CNOT2: variants seen among roughly 807,000 people sequenced by gnomAD.
The protein encoded by CNOT2 is CC chemokine receptor 4-negative regulator of transcription 2.
A neutral mutation model predicts 72.1 loss-of-function variants in CNOT2; 7 were observed. That is an observed-to-expected ratio of 0.10 (90% CI 0.06 to 0.18). CNOT2 has a LOEUF of 0.18. Ranked by LOEUF, CNOT2 falls within the 10% of genes least tolerant of loss-of-function variation. The pLI is 1.00. For synonymous variants in CNOT2, 196 were observed against 225.6 expected, an observed-to-expected ratio of 0.87 and a Z score of 1.17; for missense variants, 345 against 660.3, an observed-to-expected ratio of 0.52 and a Z score of 5.23.
In CNOT2 at chr12:70,253,044, G is replaced by T. The variant is rs140451874; in HGVS notation, c.-96+9564G>T. 4.3e-4 allele frequency among the ~76,000 whole-genome samples: 65 copies of T among 152,290 alleles called. 1 individual carries two copies. The highest frequency in any genetic ancestry group is 8.3e-4 in the South Asian group (4 of 4,832). On this transcript the variant is annotated intron_variant, in intron 1 of 15. Transcript: ENST00000229195. ...ACATGTTTTTCCTACCAGGAATTTT[G>T]TTTAGATGACCTTCTGTGAAGTAAG...
At chr12:70,313,489 A>G (rs527631172) in intron 3 of CNOT2, among the ~76,000 whole-genome samples, 1 of 152,172 alleles carries the variant, frequency 6.6e-6, no homozygotes, top group East Asian at 1.9e-4. Flanking sequence ...TTCTTCACAT[A>G]TAATTTATGT....
intron 11 of CNOT2, among the ~76,000 whole-genome samples, 192 bp downstream of exon 11, chr12:70,339,014 A>ATGTGTGTGTGTG (rs143055295): frequency 4.7e-4 from 61 of 131,046 alleles, no homozygotes; most frequent in African/African-American, 1.7e-3. Context: ...TTGGCATTTT[A>ATGTGTGTGTGTG]TGTGTGTGTG....
intron 2 of CNOT2, among the ~76,000 whole-genome samples, chr12:70,281,194 C>T (rs76075505): frequency 0.14 from 21,835 of 151,556 alleles, 1,908 homozygotes; most frequent in Admixed American, 0.28. Flanking sequence ...AAGCGATTCT[C>T]CTGCCTCAGT....
At chr12:70,246,907 G>A (rs1957900139) in intron 1 of CNOT2, among the ~76,000 whole-genome samples, 1 of 152,144 alleles carries the variant, frequency 6.6e-6, no homozygotes, top group Admixed American at 6.5e-5. Context: ...GTTGGTATCT[G>A]TTGGTATATC....
intron 1 of CNOT2, among the ~76,000 whole-genome samples, chr12:70,258,960 A>T (rs1221415509): frequency 6.6e-6 from 1 of 152,350 alleles, no homozygotes; most frequent in South Asian, 2.1e-4. Flanking sequence ...ATGGGTACAG[A>T]AAAGGGCAAA....
chr12:70,329,759 C>T, intron 5 of CNOT2, 189 bp downstream of exon 5: 3 of 540,294 alleles, frequency 5.6e-6, no homozygotes, highest in Non-Finnish European at 9.9e-6. Flanking sequence ...TTTTATACTG[C>T]AGCTCGCATA....
At chr12:70,285,747 C>A (rs1166067911) in intron 2 of CNOT2, among the ~76,000 whole-genome samples, 1 of 152,076 alleles carries the variant, frequency 6.6e-6, no homozygotes, top group Non-Finnish European at 1.5e-5. Flanking sequence ...AAAAGACCTA[C>A]AGTTTTCAGT....
chr12:70,288,834 A>G (rs193277928), intron 2 of CNOT2, among the ~76,000 whole-genome samples: 1 of 152,128 alleles, frequency 6.6e-6, no homozygotes, highest in East Asian at 1.9e-4. Flanking sequence ...TAAGGGAAAC[A>G]TTTTCTGCTT....
chr12:70,314,190 G>A (rs1876938822), intron 3 of CNOT2, among the ~76,000 whole-genome samples: 1 of 151,994 alleles, frequency 6.6e-6, no homozygotes, highest in Non-Finnish European at 1.5e-5. Context: ...AATACTTTGT[G>A]TAGTTATTTT....
intron 3 of CNOT2, among the ~76,000 whole-genome samples, chr12:70,318,439 A>C (rs1333776943): frequency 1.3e-5 from 2 of 151,620 alleles, no homozygotes; most frequent in Non-Finnish European, 2.9e-5. Flanking sequence ...ATTTTTTTGA[A>C]TTTCAATAGT....
intron 1 of CNOT2, among the ~76,000 whole-genome samples, chr12:70,267,074 TA>T (rs1959086325): frequency 6.6e-6 from 1 of 152,192 alleles, no homozygotes; most frequent in African/African-American, 2.4e-5. Context: ...ATTCTTTGTG[TA>T]TTTTTTTTTA....
intron 1 of CNOT2, among the ~76,000 whole-genome samples, chr12:70,273,323 T>A (rs1444993343): frequency 6.6e-6 from 1 of 152,118 alleles, no homozygotes; most frequent in Non-Finnish European, 1.5e-5. Context: ...CTTTTTTTTT[T>A]AGTCAACAGC....
At chr12:70,338,977 G>A (rs1372465940) in intron 11 of CNOT2, among the ~76,000 whole-genome samples, 155 bp downstream of exon 11, 1 of 150,464 alleles carries the variant, frequency 6.6e-6, no homozygotes, top group Non-Finnish European at 1.5e-5. Context: ...TTAGATCACT[G>A]TCACTCTGCA....
Position 70,354,183 on chromosome 12 carries a change from C to A in CNOT2, c.*268C>A. 1 of 473,922 alleles carries A rather than the reference C, an allele frequency of 2.1e-6. No individual in the cohort carries two copies. The highest frequency in any genetic ancestry group is 3.4e-6 in the Non-Finnish European group (1 of 296,492). 29.4% of individuals were successfully genotyped at this position (473,922 alleles called of 1,614,324 possible). A position where few individuals can be genotyped will look rare whatever the true frequency, so the allele number is the denominator to read the frequency against. On this transcript the variant is annotated 3_prime_UTR_variant, in exon 16 of 16. Coordinates refer to ENST00000229195, the MANE Select transcript of CNOT2 (RefSeq NM_014515.7). ...ATTTATTTCCTTTTTTGCCAGCAGA[C>A]AGACTTGAGTCTGTAAAGACAAGCA...
In CNOT2 at chr12:70,346,841, GTTGA is replaced by G. The variant is rs1882234093; in HGVS notation, c.1536+520_1536+523del. On this transcript the variant is annotated intron_variant, in intron 15 of 15. Coordinates refer to ENST00000229195, the MANE Select transcript of CNOT2 (RefSeq NM_014515.7). ...GGGGAGAAATCGGCTATGGAGAAAT[GTTGA>G]TTATTTTATTTTGGTTTTGCAACTT... 1.3e-5 allele frequency among the ~76,000 whole-genome samples: 2 copies of G among 152,238 alleles called. 1 individual carries two copies. The highest frequency in any genetic ancestry group is 4.1e-4 in the South Asian group (2 of 4,828).
chr12:70,306,852 G>A (rs970983464), intron 2 of CNOT2, among the ~76,000 whole-genome samples: 2 of 152,140 alleles, frequency 1.3e-5, no homozygotes, highest in Non-Finnish European at 2.9e-5. Flanking sequence ...TGTGAATGTG[G>A]ACCATACTTA....
At position 70,278,168 on chromosome 12, in the gene CNOT2, C is replaced by A. The variant is rs1869181439; in HGVS notation, c.-59C>A. The A allele has an allele frequency of 2.4e-5, 32 of 1,337,868 alleles. No individual in the cohort carries two copies. The highest frequency in any genetic ancestry group is 3.4e-5 in the Non-Finnish European group (32 of 934,518). The allele number at this position is 1,337,868 out of a possible 1,614,324, so 82.9% of individuals were successfully genotyped here. A position where few individuals can be genotyped will look rare whatever the true frequency, so the allele number is the denominator to read the frequency against. ...GTGGGCGGTCCTTCCTGTGACACGACCCTTGAGTGACAGTTCTATTTGATT... is the reference window on the plus strand; with the variant it reads ...GTGGGCGGTCCTTCCTGTGACACGAACCTTGAGTGACAGTTCTATTTGATT... On this transcript the variant is annotated 5_prime_UTR_variant, in exon 2 of 16. Coordinates refer to ENST00000229195, the MANE Select transcript of CNOT2 (RefSeq NM_014515.7).
intron 1 of CNOT2, among the ~76,000 whole-genome samples, chr12:70,246,903 A>G (rs1957899564): frequency 6.6e-6 from 1 of 152,158 alleles, no homozygotes; most frequent in Non-Finnish European, 1.5e-5. Context: ...ATCTGTTGGT[A>G]TCTGTTGGTA....
chr12:70,273,028 G>T (rs1868296361), intron 1 of CNOT2, among the ~76,000 whole-genome samples: 1 of 151,998 alleles, frequency 6.6e-6, no homozygotes, highest in Admixed American at 6.6e-5. Context: ...CATTACTCCA[G>T]TAATTTCTCT....
Sources: gnomAD v4.1 joint callset for allele counts (sites outside exome capture counted in the v4.1 genomes callset) on GRCh38, gnomAD v4.1.1 for gene constraint, MANE v1.5 for transcripts, NCBI Gene and HGNC (gene_info 2026-07-23, HGNC 2026-07-21) for gene names.